The following FAM222A variants were observed in gnomAD, a reference collection of about 807,000 sequenced individuals.
The protein encoded by FAM222A is protein FAM222A.
Under a neutral mutation model 25.8 loss-of-function variants are expected in FAM222A, and 7 were observed. The observed-to-expected ratio is 0.27, with a 90% CI of 0.15 to 0.51. The LOEUF (loss-of-function observed/expected upper bound fraction) is 0.51, where lower values mean the gene tolerates loss of function less well. Ranked by LOEUF, FAM222A falls within the 20% of genes least tolerant of loss-of-function variation. The pLI is 0.97. For synonymous variants in FAM222A, 294 were observed against 298.8 expected (o/e 0.98, Z 0.17); for missense variants, 573 against 640.5 (o/e 0.89, Z 1.14).
intron 2 of FAM222A, among the ~76,000 whole-genome samples, chr12:109,751,172 CTCTTT>C (rs1441445075): frequency 1.3e-5 from 2 of 151,954 alleles, no homozygotes; most frequent in Non-Finnish European, 2.9e-5. Flanking sequence ...TTTTCTGCAC[CTCTTT>C]TTTTTTCTCC....
chr12:109,754,121 A>G (rs1888642769), intron 2 of FAM222A, among the ~76,000 whole-genome samples: 1 of 152,250 alleles, frequency 6.6e-6, no homozygotes, highest in Admixed American at 6.5e-5. Flanking sequence ...ATGATCGACT[A>G]CAAACAAACT....
intron 1 of FAM222A, among the ~76,000 whole-genome samples, chr12:109,732,081 G>A (rs567190678): frequency 1.3e-5 from 2 of 152,248 alleles, no homozygotes; most frequent in Middle Eastern, 3.4e-3. Flanking sequence ...TTTGTTACTC[G>A]GTGGTTGAGA....
chr12:109,757,906 AAC>A lies in FAM222A; in HGVS notation c.83-10102_83-10101del, dbSNP rs892709836. 3.9e-5 allele frequency among the ~76,000 whole-genome samples: 6 copies of A among 152,312 alleles called. No homozygotes were observed. In the South Asian group the frequency reaches 6.2e-4, roughly 16 times the overall value. ...GCAGCAACATCAGGACAAGACAGCAAACACAGACAAATCTGGGGCCCTGGGTG... is the reference window on the plus strand; with the variant it reads ...GCAGCAACATCAGGACAAGACAGCAAACAGACAAATCTGGGGCCCTGGGTG... On this transcript the variant is annotated intron_variant, in intron 2 of 2. Coordinates refer to ENST00000538780, the MANE Select transcript of FAM222A (RefSeq NM_032829.3).
intron 2 of FAM222A, among the ~76,000 whole-genome samples, chr12:109,751,200 A>G (rs1888550161): frequency 6.7e-6 from 1 of 150,152 alleles, no homozygotes; most frequent in Admixed American, 6.6e-5. Flanking sequence ...TGCTCATTCT[A>G]TACTTGGACA....
chr12:109,721,441 C>T (rs185552036), intron 1 of FAM222A, among the ~76,000 whole-genome samples: 5 of 152,296 alleles, frequency 3.3e-5, no homozygotes, highest in East Asian at 1.9e-4. Flanking sequence ...TGCCTTATGC[C>T]GCTGTGCCCT....
chr12:109,745,906 T>G (rs1888386649), intron 2 of FAM222A, among the ~76,000 whole-genome samples: 1 of 151,882 alleles, frequency 6.6e-6, no homozygotes, highest in African/African-American at 2.4e-5. Context: ...TCTCCTTGGC[T>G]CCTTTTTTTT....
chr12:109,767,970 A>C (rs116005734), intron 2 of FAM222A, 42 bp from the exon 3 acceptor site: 19,760 of 1,586,348 alleles, frequency 0.012, 185 homozygotes, highest in African/African-American at 0.046. Flanking sequence ...AGAGGTTGGC[A>C]TGGCCTCCTG....
chr12:109,749,109 TTTG>T (rs774212610), intron 2 of FAM222A, among the ~76,000 whole-genome samples: 5 of 152,096 alleles, frequency 3.3e-5, no homozygotes, highest in Non-Finnish European at 7.4e-5. Flanking sequence ...TGTTTGTTTG[TTTG>T]TTGTTTGTTT....
At chr12:109,764,965 G>T (rs1889001744) in intron 2 of FAM222A, among the ~76,000 whole-genome samples, 1 of 152,178 alleles carries the variant, frequency 6.6e-6, no homozygotes, top group Non-Finnish European at 1.5e-5. Context: ...CGGGATGGGG[G>T]TCCATGGCTG....
At chr12:109,745,732 C>G (rs1037100067) in intron 2 of FAM222A, among the ~76,000 whole-genome samples, 1 of 152,212 alleles carries the variant, frequency 6.6e-6, no homozygotes, top group African/African-American at 2.4e-5. Context: ...TCTCAAACTC[C>G]TGGCCTCATG....
intron 1 of FAM222A, among the ~76,000 whole-genome samples, chr12:109,733,526 C>T (rs1888000543): frequency 6.6e-6 from 1 of 152,010 alleles, no homozygotes; most frequent in Admixed American, 6.5e-5. Flanking sequence ...GCCTCAGCCT[C>T]CTGAGTAGCT....
chr12:109,738,478 C>A (rs935211419), intron 1 of FAM222A, among the ~76,000 whole-genome samples: 4 of 152,208 alleles, frequency 2.6e-5, no homozygotes, highest in Non-Finnish European at 4.4e-5. Flanking sequence ...GAATTACAGC[C>A]AGAGGGATGG....
At position 109,769,129 on chromosome 12, in the gene FAM222A, G is replaced by T; in HGVS notation, c.1200G>T (p.Ser400=). 1 of 1,612,080 alleles carries T rather than the reference G, an allele frequency of 6.2e-7. No homozygotes were observed. Among genetic ancestry groups the T allele is most frequent in the Non-Finnish European group, 8.5e-7 (1 of 1,179,680 alleles). ...CCAGCAAGAGTGTGTGCAACACATC[G>T]GTGCTGAGCAGCAGCCTGCAGTCAC... is the stretch of plus-strand genomic sequence containing the variant. ...GLPSKSVCNT[S]VLSSSLQSLE... The change falls in exon 3 of 3, where the codon TCG becomes TCT. Residue 400 remains serine, a synonymous_variant. Transcript: ENST00000538780.
In FAM222A at chr12:109,768,029, G is replaced by A. The variant is rs745618000; in HGVS notation, c.100G>A (p.Ala34Thr). The change falls in exon 3 of 3, where the codon GCC (alanine) becomes ACC (threonine). Residue 34 changes from alanine (A) to threonine (T), a missense_variant. Ala to Thr is a moderately conservative substitution (Grantham distance 58). Transcript: ENST00000538780. ...TCCCACAGGCGAGGCGGTGGCCAGC[G>A]CCATGCATTCCTCCCGCTACCCGAG... ...ELRKCEAVAS[A>T]MHSSRYPSPA... 8 of 1,613,216 alleles carry A rather than the reference G, an allele frequency of 5.0e-6. No homozygotes were observed. The highest frequency in any genetic ancestry group is 4.0e-5 in the African/African-American group (3 of 74,912).
At chr12:109,723,297 G>GGACAT (rs1221041654) in intron 1 of FAM222A, among the ~76,000 whole-genome samples, 6 of 152,158 alleles carry the variant, frequency 3.9e-5, no homozygotes, top group African/African-American at 1.4e-4. Context: ...GCGTTCAAAG[G>GGACAT]GACATAAGGA....
rs1889183433 is a variant in FAM222A at position 109,769,534 on chromosome 12, G to A, written c.*246G>A. On this transcript the variant is annotated 3_prime_UTR_variant, in exon 3 of 3. Transcript: ENST00000538780. ...CAGTGAGGGCCTGGGGGCAGCCACT[G>A]ACGCCCATGCCTTCCTTTATCTAAG... 5 of 548,546 alleles carry A rather than the reference G, an allele frequency of 9.1e-6. No individual in the cohort carries two copies. Among genetic ancestry groups the A allele is most frequent in the African/African-American group, 3.8e-5 (2 of 52,898 alleles). 34.0% of individuals were successfully genotyped at this position (548,546 alleles called of 1,614,324 possible).
intron 1 of FAM222A, among the ~76,000 whole-genome samples, chr12:109,733,384 A>T (rs1887993735): frequency 6.6e-6 from 1 of 152,104 alleles, no homozygotes; most frequent in Non-Finnish European, 1.5e-5. Context: ...GTACAATTAC[A>T]TATGAGGCTC....
intron 1 of FAM222A, among the ~76,000 whole-genome samples, chr12:109,725,431 C>CCTCCCCCTCT (rs1035969510): frequency 6.7e-6 from 1 of 148,816 alleles, no homozygotes; most frequent in African/African-American, 2.5e-5. Context: ...TCTCCCTCTC[C>CCTCCCCCTCT]CTCCCCCTCC....
chr12:109,759,585 T>G (rs1409077982), intron 2 of FAM222A, among the ~76,000 whole-genome samples: 2 of 152,236 alleles, frequency 1.3e-5, no homozygotes, highest in African/African-American at 4.8e-5. Flanking sequence ...TAACATTAAC[T>G]TAATGGCAGC....
Sources: gnomAD v4.1 joint callset for allele counts (sites outside exome capture counted in the v4.1 genomes callset) on GRCh38, gnomAD v4.1.1 for gene constraint, MANE v1.5 for transcripts, NCBI Gene and HGNC (gene_info 2026-07-23, HGNC 2026-07-21) for gene names.